The following LINGO2 variants were observed in gnomAD, a reference collection of about 807,000 sequenced individuals.
LINGO2 encodes leucine-rich repeat and immunoglobulin-like domain-containing nogo receptor-interacting protein 2.
LINGO2 carries 14 observed loss-of-function variants against 30.6 expected under a neutral mutation model. The observed-to-expected ratio is 0.46, with a 90% confidence interval of 0.30 to 0.72. The LOEUF is 0.72. Among genes scored for constraint, LINGO2 ranks in the 30% least tolerant of loss-of-function variants. The pLI, the probability that LINGO2 is intolerant of heterozygous loss-of-function variation, is 0.07. For missense variants in LINGO2, 729 were observed against 751.7 expected, an observed-to-expected ratio of 0.97 and a Z score of 0.35; for synonymous variants, 317 against 288.5, an observed-to-expected ratio of 1.10 and a Z score of -1.00.
intron 5 of LINGO2, among the ~76,000 whole-genome samples, chr9:27,994,436 G>C (rs1470076453): frequency 1.3e-5 from 2 of 152,142 alleles, no homozygotes; most frequent in East Asian, 3.9e-4. Context: ...AGAGTAGGCA[G>C]ATAGGTAGAC....
chr9:28,316,596 GT>G (rs1328878062), intron 3 of LINGO2, among the ~76,000 whole-genome samples: 1 of 152,122 alleles, frequency 6.6e-6, no homozygotes, highest in Non-Finnish European at 1.5e-5. Context: ...AAATTGAGTT[GT>G]TTTAGGATGT....
intron 1 of LINGO2, among the ~76,000 whole-genome samples, chr9:28,525,634 A>T (rs1694878080): frequency 6.6e-6 from 1 of 152,204 alleles, no homozygotes; most frequent in Non-Finnish European, 1.5e-5. Flanking sequence ...GACAGAAAGT[A>T]GATCAGTGGT....
At chr9:28,669,046 T>C (rs761880523) in intron 1 of LINGO2, among the ~76,000 whole-genome samples, 16 of 152,124 alleles carry the variant, frequency 1.1e-4, no homozygotes, top group Non-Finnish European at 2.1e-4. Flanking sequence ...TTTGTACCTG[T>C]TTAATTTACC....
chr9:28,745,847 T>C, the LINGO2 span, among the ~76,000 whole-genome samples: 2,524 of 152,168 alleles, frequency 0.017, 85 homozygotes, highest in African/African-American at 0.058. Flanking sequence ...TATCATTTCA[T>C]AGCGGTATCA....
intron 1 of LINGO2, among the ~76,000 whole-genome samples, chr9:28,659,508 C>A (rs1170222719): frequency 6.6e-6 from 1 of 151,014 alleles, no homozygotes; most frequent in Non-Finnish European, 1.5e-5. Context: ...AGTGCAATGA[C>A]ACAATCATAG....
chr9:28,325,504 T>C (rs1468543198), intron 3 of LINGO2, among the ~76,000 whole-genome samples: 1 of 152,054 alleles, frequency 6.6e-6, no homozygotes, highest in Non-Finnish European at 1.5e-5. Context: ...TCCCACTGTG[T>C]TGTGGGAGGG....
At chr9:28,567,791 T>A (rs968043463) in intron 1 of LINGO2, among the ~76,000 whole-genome samples, 1 of 137,414 alleles carries the variant, frequency 7.3e-6, no homozygotes, top group Non-Finnish European at 1.5e-5. Context: ...ACTTCCTGAA[T>A]CTAAAATAAA....
chr9:29,138,424 TCA>T, the LINGO2 span, among the ~76,000 whole-genome samples: 1 of 152,152 alleles, frequency 6.6e-6, no homozygotes, highest in Non-Finnish European at 1.5e-5. Flanking sequence ...ACTTGCAGGT[TCA>T]CACACTCATC....
chr9:28,740,976 A>AG, the LINGO2 span, among the ~76,000 whole-genome samples: 1 of 151,900 alleles, frequency 6.6e-6, no homozygotes, highest in East Asian at 1.9e-4. Flanking sequence ...TTGACTTGGC[A>AG]GGGGCATGGC....
intron 4 of LINGO2, among the ~76,000 whole-genome samples, chr9:28,198,394 G>C (rs555709841): frequency 5.9e-5 from 9 of 152,202 alleles, no homozygotes; most frequent in Admixed American, 4.6e-4. Flanking sequence ...ATACTGTATA[G>C]GAAACTGTAG....
the LINGO2 span, among the ~76,000 whole-genome samples, chr9:28,954,388 T>C: frequency 1.3e-5 from 2 of 152,192 alleles, no homozygotes; most frequent in Non-Finnish European, 2.9e-5. Flanking sequence ...ACAAAGGATA[T>C]TAAGATGGTG....
the LINGO2 span, among the ~76,000 whole-genome samples, chr9:29,035,973 C>T: frequency 2.6e-5 from 4 of 152,014 alleles, no homozygotes; most frequent in South Asian, 2.1e-4. Flanking sequence ...GAAGCTTTTG[C>T]GGAAACAATT....
At chr9:29,048,180 A>G in the LINGO2 span, among the ~76,000 whole-genome samples, 1 of 151,934 alleles carries the variant, frequency 6.6e-6, no homozygotes. Context: ...AACAATGAAA[A>G]ATGTGAAAAA....
exon 6 of LINGO2, chr9:27,950,373 G>C (rs1563848130): frequency 6.2e-7 from 1 of 1,614,112 alleles, no homozygotes. Flanking sequence ...ATTGTTGAAT[G>C]CTCCTGGTTC....
chr9:28,950,601 A>G, the LINGO2 span, among the ~76,000 whole-genome samples: 1 of 152,292 alleles, frequency 6.6e-6, no homozygotes, highest in Non-Finnish European at 1.5e-5. Context: ...TACAACAATA[A>G]TAGACAAACG....
chr9:28,800,684 T>C, the LINGO2 span, among the ~76,000 whole-genome samples: 1 of 152,014 alleles, frequency 6.6e-6, no homozygotes, highest in Non-Finnish European at 1.5e-5. Context: ...CTGTCAAAAC[T>C]AGCAGACTGT....
At chr9:28,225,784 T>C (rs1305128881) in intron 4 of LINGO2, among the ~76,000 whole-genome samples, 2 of 152,090 alleles carry the variant, frequency 1.3e-5, no homozygotes, top group Admixed American at 1.3e-4. Flanking sequence ...ATTTTACTAG[T>C]AGTGCAAAAA....
the LINGO2 span, among the ~76,000 whole-genome samples, chr9:28,890,143 T>TAAAA: frequency 2.6e-5 from 4 of 152,220 alleles, 1 homozygote; most frequent in South Asian, 8.3e-4. Context: ...AGAGGTTTAA[T>TAAAA]TTTTAAGTCC....
At chr9:28,348,555 G>C (rs12555126) in intron 3 of LINGO2, among the ~76,000 whole-genome samples, 6,820 of 152,188 alleles carry the variant, frequency 0.045, 216 homozygotes, top group East Asian at 0.087. Context: ...ACTGCAAGGC[G>C]GCAGCGAGGC....
Sources: gnomAD v4.1 joint callset for allele counts (sites outside exome capture counted in the v4.1 genomes callset) on GRCh38, gnomAD v4.1.1 for gene constraint, MANE v1.5 for transcripts, NCBI Gene and HGNC (gene_info 2026-07-23, HGNC 2026-07-21) for gene names.